Variants in BLTP1 observed in about 807,000 individuals in gnomAD.
BLTP1 encodes the protein fragile site-associated protein.
the BLTP1 span, chr4:122,274,385 A>C: frequency 6.2e-7 from 1 of 1,602,556 alleles, no homozygotes; most frequent in Non-Finnish European, 8.5e-7. Flanking sequence ...GCTACTGCTC[A>C]TATTGGTGGG....
chr4:122,212,801 T>A, the BLTP1 span, among the ~76,000 whole-genome samples: 1 of 152,320 alleles, frequency 6.6e-6, no homozygotes, highest in South Asian at 2.1e-4. Flanking sequence ...TTAAAGCAAC[T>A]TTTTGGTAGT....
At chr4:122,209,009 A>G in the BLTP1 span, 9 of 812,826 alleles carry the variant, frequency 1.1e-5, no homozygotes, top group Non-Finnish European at 1.4e-5. Context: ...AAAAAAGATA[A>G]ATAATACAAT....
At chr4:122,212,923 C>A in the BLTP1 span, among the ~76,000 whole-genome samples, 62 of 152,122 alleles carry the variant, frequency 4.1e-4, no homozygotes, top group Non-Finnish European at 1.5e-5. Flanking sequence ...TAAATTTTGA[C>A]ATGTTTACTA....
At chr4:122,351,030 A>G in the BLTP1 span, among the ~76,000 whole-genome samples, 12 of 152,216 alleles carry the variant, frequency 7.9e-5, no homozygotes, top group Non-Finnish European at 1.8e-4. Flanking sequence ...AGAACAGACT[A>G]TAGGCAGTTA....
the BLTP1 span, chr4:122,174,334 T>TAG: frequency 2.0e-6 from 2 of 984,554 alleles, no homozygotes; most frequent in Non-Finnish European, 2.4e-6. Context: ...AGCAGTTACT[T>TAG]AAACTAATAT....
the BLTP1 span, among the ~76,000 whole-genome samples, chr4:122,345,476 G>A: frequency 2.8e-5 from 4 of 142,912 alleles, no homozygotes; most frequent in Non-Finnish European, 6.5e-5. Context: ...GAAGCACAGG[G>A]TATAAGTGAA....
chr4:122,345,847 G>A, the BLTP1 span: 2 of 160,750 alleles, frequency 1.2e-5, no homozygotes, highest in Middle Eastern at 3.2e-3. Context: ...GGGTTCAAGA[G>A]AGATAGAAGA....
the BLTP1 span, among the ~76,000 whole-genome samples, chr4:122,300,386 A>G: frequency 6.6e-6 from 1 of 152,024 alleles, no homozygotes; most frequent in Admixed American, 6.6e-5. Context: ...CTCTTCATCC[A>G]TATCATTCTT....
the BLTP1 span, chr4:122,281,408 G>C: frequency 3.7e-6 from 5 of 1,356,124 alleles, no homozygotes; most frequent in African/African-American, 6.0e-5. Flanking sequence ...AATATGATCT[G>C]ATATTGGAAA....
the BLTP1 span, among the ~76,000 whole-genome samples, chr4:122,248,461 TAA>T: frequency 1.3e-5 from 2 of 152,070 alleles, no homozygotes; most frequent in Non-Finnish European, 2.9e-5. Flanking sequence ...AAAGGTTACT[TAA>T]TAACCTCATA....
the BLTP1 span, chr4:122,219,544 A>G: frequency 4.3e-6 from 7 of 1,613,874 alleles, no homozygotes; most frequent in Non-Finnish European, 5.1e-6. Context: ...TAATTTGTAC[A>G]AAGTTCATGG....
the BLTP1 span, chr4:122,190,103 GT>G: frequency 3.7e-6 from 6 of 1,610,046 alleles, no homozygotes; most frequent in Admixed American, 3.4e-5. Context: ...TGTTGTTGCT[GT>G]TTTTTTTAAA....
chr4:122,271,563 T>G, the BLTP1 span: 1 of 1,613,574 alleles, frequency 6.2e-7, no homozygotes, highest in Admixed American at 1.7e-5. Context: ...GTGGATCACA[T>G]GACTATTCAT....
the BLTP1 span, chr4:122,209,697 A>C: frequency 8.0e-7 from 1 of 1,254,470 alleles, no homozygotes; most frequent in Non-Finnish European, 1.1e-6. Flanking sequence ...TTTTGTGCTT[A>C]TATGTGGAGA....
the BLTP1 span, chr4:122,235,152 A>G: frequency 6.5e-6 from 6 of 919,384 alleles, no homozygotes; most frequent in Admixed American, 2.7e-5. Context: ...AGGGTTTAGT[A>G]TAATCCACCT....
At chr4:122,361,571 G>A in the BLTP1 span, among the ~76,000 whole-genome samples, 9 of 152,238 alleles carry the variant, frequency 5.9e-5, no homozygotes, top group Admixed American at 2.0e-4. Context: ...AGGTGGCCAG[G>A]AGCGGTTCAG....
chr4:122,351,173 G>A, the BLTP1 span: 3 of 503,070 alleles, frequency 6.0e-6, no homozygotes, highest in Non-Finnish European at 7.7e-6. Flanking sequence ...AGAGGTGTAA[G>A]TGGTGAGAAA....
the BLTP1 span, among the ~76,000 whole-genome samples, chr4:122,179,041 G>A: frequency 6.6e-6 from 1 of 152,136 alleles, no homozygotes; most frequent in Admixed American, 6.5e-5. Flanking sequence ...TGCTTTGGGA[G>A]GCTGAGGTGG....
the BLTP1 span, chr4:122,237,672 A>G: frequency 6.8e-6 from 5 of 735,244 alleles, no homozygotes; most frequent in Non-Finnish European, 8.3e-6. Context: ...ATATATTTCT[A>G]AAACGTTTAA....
Sources: gnomAD v4.1 joint callset for allele counts (sites outside exome capture counted in the v4.1 genomes callset) on GRCh38, gnomAD v4.1.1 for gene constraint, MANE v1.5 for transcripts, NCBI Gene and HGNC (gene_info 2026-07-23, HGNC 2026-07-21) for gene names.